The following DPH6 variants were observed in gnomAD, a reference collection of about 807,000 sequenced individuals.
The protein encoded by DPH6 is diphthine--ammonia ligase.
In DPH6, 33 loss-of-function variants were observed where a neutral mutation model predicts 38.2. The ratio of observed to expected loss-of-function variants is 0.86; its 90% CI spans 0.65 to 1.15. The LOEUF (loss-of-function observed/expected upper bound fraction) is 1.15, where lower values mean the gene tolerates loss of function less well. Ranked by LOEUF, DPH6 falls within the 50% of genes most tolerant of loss-of-function variation. The probability of loss-of-function intolerance (pLI) is 0.00; values close to 1 mark genes in which losing one functional copy is unlikely to be tolerated. For synonymous variants in DPH6, 108 were observed against 103.0 expected, an observed-to-expected ratio of 1.05 and a Z score of -0.30; for missense variants, 325 against 320.0, an observed-to-expected ratio of 1.02 and a Z score of -0.12.
chr15:35,466,658 G>T (rs952728336), intron 3 of DPH6, among the ~76,000 whole-genome samples: 5 of 152,244 alleles, frequency 3.3e-5, no homozygotes, highest in Admixed American at 2.0e-4. Context: ...TCATTATGCA[G>T]TTTCATCGTA....
At chr15:35,212,249 T>C in the DPH6 span, among the ~76,000 whole-genome samples, 2 of 152,128 alleles carry the variant, frequency 1.3e-5, no homozygotes, top group African/African-American at 4.8e-5. Flanking sequence ...GGGATTTACT[T>C]TCTTGTTAAC....
intron 3 of DPH6, among the ~76,000 whole-genome samples, chr15:35,350,115 C>T (rs370037484): frequency 2.0e-5 from 3 of 152,122 alleles, no homozygotes; most frequent in East Asian, 1.9e-4. Flanking sequence ...TTACAGATTA[C>T]GTCTCCTTAC....
At chr15:35,279,068 A>AAAAAAAAAAAAAAATATATATAT (rs1555390826) in intron 3 of DPH6, among the ~76,000 whole-genome samples, 1 of 102,992 alleles carries the variant, frequency 9.7e-6, no homozygotes, top group African/African-American at 4.8e-5. Flanking sequence ...AAAAAAAAAA[A>AAAAAAAAAAAAAAATATATATAT]ATATATATAT....
chr15:35,529,551 T>C (rs2141253178), intron 3 of DPH6, among the ~76,000 whole-genome samples: 1 of 152,236 alleles, frequency 6.6e-6, no homozygotes, highest in South Asian at 2.1e-4. Flanking sequence ...CCAAATGGGA[T>C]TTTTTCACCC....
At chr15:35,440,779 T>C (rs1315895377) in intron 5 of DPH6, among the ~76,000 whole-genome samples, 1 of 152,054 alleles carries the variant, frequency 6.6e-6, no homozygotes, top group Non-Finnish European at 1.5e-5. Context: ...CCAAAAGCAA[T>C]GGCAACAAAA....
chr15:35,298,962 C>A (rs111634337), intron 3 of DPH6: 8 of 771,918 alleles, frequency 1.0e-5, no homozygotes, highest in Non-Finnish European at 1.9e-5. Context: ...CCTCTTCTCT[C>A]GCTCCTAATC....
chr15:35,199,899 T>C, the DPH6 span, among the ~76,000 whole-genome samples: 608 of 152,056 alleles, frequency 4.0e-3, 3 homozygotes, highest in African/African-American at 0.014. Context: ...GCATCCAAAA[T>C]TGTGATGTCA....
intron 6 of DPH6, among the ~76,000 whole-genome samples, chr15:35,397,868 T>TATATATATACAC (rs752473433): frequency 1.1e-5 from 1 of 87,258 alleles, no homozygotes; most frequent in African/African-American, 4.6e-5. Flanking sequence ...TTTATATATA[T>TATATATATACAC]ACACACACAC....
the DPH6 span, among the ~76,000 whole-genome samples, chr15:35,149,904 GTCT>G: frequency 2.0e-5 from 3 of 152,186 alleles, no homozygotes; most frequent in Non-Finnish European, 4.4e-5. Context: ...TAAAGCTAGG[GTCT>G]TCTCACTGCC....
chr15:35,423,289 T>A (rs1170264818), intron 5 of DPH6, among the ~76,000 whole-genome samples: 2 of 151,884 alleles, frequency 1.3e-5, no homozygotes, highest in Non-Finnish European at 3.0e-5. Context: ...ATTTCCCTGA[T>A]GATTAGTGAA....
At chr15:35,424,219 A>T (rs2053541413) in intron 5 of DPH6, among the ~76,000 whole-genome samples, 1 of 151,446 alleles carries the variant, frequency 6.6e-6, no homozygotes, top group Non-Finnish European at 1.5e-5. Flanking sequence ...TTAATGTTTG[A>T]CTTTTTAAAT....
At chr15:35,172,563 A>G in the DPH6 span, among the ~76,000 whole-genome samples, 2 of 152,242 alleles carry the variant, frequency 1.3e-5, no homozygotes, top group African/African-American at 4.8e-5. Flanking sequence ...TAAAGCATAC[A>G]GAGCATCATT....
intron 3 of DPH6, among the ~76,000 whole-genome samples, chr15:35,351,718 TTC>T (rs1237635723): frequency 6.6e-6 from 1 of 150,842 alleles, no homozygotes; most frequent in Non-Finnish European, 1.5e-5. Context: ...GATGTCAGAC[TTC>T]TTTTTTTTTT....
At chr15:35,519,072 T>A (rs1209659462) in intron 3 of DPH6, 1 of 152,050 alleles carries the variant, frequency 6.6e-6, no homozygotes, top group East Asian at 1.9e-4. Flanking sequence ...TCTAATCATA[T>A]CTAAATATGA....
Position 35,237,920 on chromosome 15 carries a change from G to A in DPH6, n.201-17338C>T, listed in dbSNP as rs146853784. On this transcript the variant is annotated intron_variant and non_coding_transcript_variant, in intron 3 of 3. Transcript: ENST00000560386. ...GGAGGAGGAAGGTGAAGAGGAGGAC[G>A]TGAGTGGAGAGGAGGAGGAGGATGA... The A allele has an allele frequency of 6.3e-4, 876 of 1,396,274 alleles. 4 individuals are homozygous for A. The African/African-American group carries it at 0.01, about 17-fold the overall frequency. 86.5% of individuals were successfully genotyped at this position (1,396,274 alleles called of 1,614,324 possible). A position where few individuals can be genotyped will look rare whatever the true frequency, so the allele number is the denominator to read the frequency against.
At chr15:35,519,404 G>C (rs2054890477) in intron 3 of DPH6, 2 of 151,914 alleles carry the variant, frequency 1.3e-5, no homozygotes, top group South Asian at 4.1e-4. Context: ...TCCTATCAGA[G>C]TTCAACTTCA....
intron 3 of DPH6, among the ~76,000 whole-genome samples, chr15:35,464,334 T>C (rs1257485746): frequency 6.6e-6 from 1 of 151,864 alleles, no homozygotes; most frequent in African/African-American, 2.4e-5. Flanking sequence ...CATAAGTCTA[T>C]ATACATTATA....
intron 3 of DPH6, among the ~76,000 whole-genome samples, chr15:35,277,614 T>C (rs1357859005): frequency 6.6e-6 from 1 of 152,150 alleles, no homozygotes; most frequent in Non-Finnish European, 1.5e-5. Flanking sequence ...TGAAGGAAAG[T>C]TTCCAACTTC....
chr15:35,149,243 T>C, the DPH6 span, among the ~76,000 whole-genome samples: 4,582 of 152,166 alleles, frequency 0.03, 215 homozygotes, highest in African/African-American at 0.1. Flanking sequence ...CTTTGTTTGT[T>C]TGTTTGTTTT....
Sources: allele counts gnomAD v4.1 joint callset (sites outside exome capture counted in the v4.1 genomes callset), GRCh38; gene constraint gnomAD v4.1.1; transcripts MANE v1.5; gene names NCBI Gene and HGNC (gene_info 2026-07-23, HGNC 2026-07-21).